ACTR1A: variants seen among roughly 807,000 people sequenced by gnomAD.
ACTR1A encodes alpha-centractin.
A neutral mutation model predicts 50.7 loss-of-function variants in ACTR1A; 10 were observed. The observed-to-expected ratio is 0.20, with a 90% CI of 0.12 to 0.33. The LOEUF is 0.33. ACTR1A is among the 10% of genes least tolerant of loss of function. The probability of loss-of-function intolerance (pLI) is 1.00; values close to 1 mark genes in which losing one functional copy is unlikely to be tolerated. For missense variants in ACTR1A, 253 were observed against 491.7 expected, an observed-to-expected ratio of 0.51 and a Z score of 4.59; for synonymous variants, 177 against 184.2, an observed-to-expected ratio of 0.96 and a Z score of 0.32.
At chr10:102,498,091 A>C (rs1352772940) in intron 1 of ACTR1A, among the ~76,000 whole-genome samples, 3 of 59,290 alleles carry the variant, frequency 5.1e-5, no homozygotes, top group Admixed American at 1.8e-4. Flanking sequence ...ACCTTGTCTC[A>C]AAAAAAAAAA....
chr10:102,487,831 C>T (rs2062176123), intron 4 of ACTR1A, among the ~76,000 whole-genome samples: 1 of 151,982 alleles, frequency 6.6e-6, no homozygotes, highest in South Asian at 2.1e-4. Flanking sequence ...CAGGGTTTCA[C>T]CGTGTTAGCC....
chr10:102,490,424 A>G, intron 2 of ACTR1A, 125 bp downstream of exon 2: 2 of 618,844 alleles, frequency 3.2e-6, no homozygotes, highest in Non-Finnish European at 2.7e-6. Flanking sequence ...TGTGCCTCTC[A>G]AATTGTACCA....
chr10:102,489,233 G>T, intron 2 of ACTR1A, 95 bp from the exon 3 acceptor site: 1 of 815,918 alleles, frequency 1.2e-6, no homozygotes, highest in Non-Finnish European at 1.8e-6. Flanking sequence ...ATTCTACTGA[G>T]ATTATCTTCA....
At chr10:102,493,970 A>C (rs1380348883) in intron 1 of ACTR1A, among the ~76,000 whole-genome samples, 1 of 152,236 alleles carries the variant, frequency 6.6e-6, no homozygotes, top group African/African-American at 2.4e-5. Flanking sequence ...GCCCCCAAGC[A>C]GGCCTGCCAT....
At position 102,493,001 on chromosome 10, in the gene ACTR1A, C is replaced by CAAAAAAAAAAAAAAAAAAAAA. The variant is rs398014648; in HGVS notation, c.49-2409_49-2389dup. Among the ~76,000 whole-genome samples, 217 of 48,918 alleles carry CAAAAAAAAAAAAAAAAAAAAA rather than the reference C, an allele frequency of 4.4e-3. 28 individuals are homozygous for CAAAAAAAAAAAAAAAAAAAAA. Among genetic ancestry groups the CAAAAAAAAAAAAAAAAAAAAA allele is most frequent in the Admixed American group, 5.3e-3 (15 of 2,844 alleles). 32.1% of individuals were successfully genotyped at this position (48,918 alleles called of 152,430 possible). ...AGGGAGACAGAGTGAGACTCCACCT[C>CAAAAAAAAAAAAAAAAAAAAA]AAAAAAAAAAAAAAAAAAAAAAAGA... On this transcript the variant is annotated intron_variant, in intron 1 of 10. Transcript: ENST00000369905.
chr10:102,498,289 G>A (rs1051893458), intron 1 of ACTR1A, among the ~76,000 whole-genome samples: 12 of 151,024 alleles, frequency 7.9e-5, no homozygotes, highest in East Asian at 1.9e-4. Flanking sequence ...ATACCACACC[G>A]AATTTTTCTG....
intron 1 of ACTR1A, among the ~76,000 whole-genome samples, chr10:102,494,889 T>C (rs1001406328): frequency 6.6e-6 from 1 of 152,168 alleles, no homozygotes; most frequent in Non-Finnish European, 1.5e-5. Context: ...CGGCTCACTG[T>C]AACCTCCGCC....
At chr10:102,481,381 G>A (rs1337453759) in intron 9 of ACTR1A, among the ~76,000 whole-genome samples, 1 of 142,444 alleles carries the variant, frequency 7.0e-6, no homozygotes, top group Non-Finnish European at 1.5e-5. Flanking sequence ...GGGACTATTG[G>A]GGGGGGCAGG....
intron 10 of ACTR1A, 34 bp from the exon 11 acceptor site, chr10:102,480,999 A>G: frequency 3.8e-6 from 6 of 1,592,078 alleles, no homozygotes; most frequent in Non-Finnish European, 5.2e-6. Context: ...ACTGTGTGAG[A>G]GAGAAGTGGC....
In ACTR1A at chr10:102,493,978, C is replaced by T. The variant is rs4917970; in HGVS notation, c.49-3365G>A. Among the ~76,000 whole-genome samples the T allele has an allele frequency of 0.012, 1,811 of 152,326 alleles. 102 individuals carry two copies. In the East Asian group the frequency reaches 0.18, roughly 15 times the overall value. The stretch of plus-strand genomic sequence containing the variant: ...CCTTGCAGCCCCCAAGCAGGCCTGC[C>T]ATGCCAGTCATAGGGTGAAGAATCA... On this transcript the variant is annotated intron_variant, in intron 1 of 10. Transcript: ENST00000369905.
At position 102,488,788 on chromosome 10, in the gene ACTR1A, C is replaced by G. The variant is rs2062180101; in HGVS notation, c.189+275G>C. ...ACAGTAAATTTGATCACTGACAAGGCAGTGACAGGATGCAGAAGACAACAG... is the reference window on the plus strand; with the variant it reads ...ACAGTAAATTTGATCACTGACAAGGGAGTGACAGGATGCAGAAGACAACAG... On this transcript the variant is annotated intron_variant, in intron 3 of 10. Transcript: ENST00000369905. This position sits in a 1 kb window ranked among gnomAD's most constrained non-coding sequence, Gnocchi z 4.4. Among the ~76,000 whole-genome samples the G allele has an allele frequency of 6.6e-6, 1 of 152,202 alleles. No homozygotes were observed. The highest frequency in any genetic ancestry group is 1.9e-4 in the East Asian group (1 of 5,204).
chr10:102,481,045 C>A (rs1259990518), intron 10 of ACTR1A, 80 bp from the exon 11 acceptor site: 1 of 1,585,248 alleles, frequency 6.3e-7, no homozygotes, highest in African/African-American at 1.3e-5. Flanking sequence ...GGGGCCAAAC[C>A]AAATCAGGCT....
chr10:102,484,565 T>G (rs2296583), intron 5 of ACTR1A, among the ~76,000 whole-genome samples, 189 bp from the exon 6 acceptor site: 53,179 of 151,630 alleles, frequency 0.35, 9,428 homozygotes, highest in African/African-American at 0.39. Flanking sequence ...TGAACGGAAG[T>G]TGCTGATCTT....
In ACTR1A at chr10:102,479,726, T is replaced by C; in HGVS notation, c.*1137A>G. On this transcript the variant is annotated 3_prime_UTR_variant, in exon 11 of 11. Transcript: ENST00000369905. The surrounding 1 kb of genome is among the most constrained non-coding windows in gnomAD (Gnocchi z 4.0). ...GTCAGCTACAGTGGCAAAAGGCAAC[T>C]TGGTAAATTGCAGCTTTCTCCAGTC... 7.9e-7 allele frequency: 1 copy of C among 1,265,260 alleles called. No homozygotes were observed. Among genetic ancestry groups the C allele is most frequent in the Non-Finnish European group, 1.0e-6 (1 of 968,284 alleles). 78.4% of individuals were successfully genotyped at this position (1,265,260 alleles called of 1,614,324 possible). A position where few individuals can be genotyped will look rare whatever the true frequency, so the allele number is the denominator to read the frequency against.
Position 102,480,012 on chromosome 10 carries a change from G to A in ACTR1A, c.*851C>T, listed in dbSNP as rs2062130329. On this transcript the variant is annotated 3_prime_UTR_variant, in exon 11 of 11. Transcript: ENST00000369905. ...GCCCTGGAGGCTAAGCTTAGGTGCT[G>A]TAAACATTAGTGTAGCAAGGCAGGA... The A allele has an allele frequency of 4.9e-6, 1 of 203,056 alleles. No homozygotes were observed. Among genetic ancestry groups the A allele is most frequent in the Non-Finnish European group, 1.0e-5 (1 of 95,904 alleles). 12.6% of individuals were successfully genotyped at this position (203,056 alleles called of 1,614,324 possible). A position where few individuals can be genotyped will look rare whatever the true frequency, so the allele number is the denominator to read the frequency against.
In ACTR1A at chr10:102,480,651, C is replaced by A; in HGVS notation, c.*212G>T. The A allele has an allele frequency of 1.7e-6, 1 of 582,896 alleles. No individual in the cohort carries two copies. 36.1% of individuals were successfully genotyped at this position (582,896 alleles called of 1,614,324 possible). A position where few individuals can be genotyped will look rare whatever the true frequency, so the allele number is the denominator to read the frequency against. On this transcript the variant is annotated 3_prime_UTR_variant, in exon 11 of 11. Transcript: ENST00000369905. Reference sequence around the variant, plus strand: ...TCCCTGTCAGGAGCCAGTTAGTGGTCAACCCCAGGCCTCAGGCCATCACCA... The same window carrying A: ...TCCCTGTCAGGAGCCAGTTAGTGGTAAACCCCAGGCCTCAGGCCATCACCA...
intron 10 of ACTR1A, 46 bp downstream of exon 10, chr10:102,481,086 T>C: frequency 1.3e-6 from 2 of 1,598,986 alleles, no homozygotes; most frequent in Non-Finnish European, 1.7e-6. Flanking sequence ...GGGTTATCAG[T>C]GCCATCACTT....
intron 1 of ACTR1A, among the ~76,000 whole-genome samples, chr10:102,496,210 A>G (rs992126141): frequency 6.6e-6 from 1 of 152,198 alleles, no homozygotes. Context: ...AAAAATCAGA[A>G]TATCTGGCAA....
Position 102,490,607 on chromosome 10 carries a change from C to A in ACTR1A, c.55G>T (p.Gly19Cys). 1 of 1,612,442 alleles carries A rather than the reference C, an allele frequency of 6.2e-7. No homozygotes were observed. The highest frequency in any genetic ancestry group is 8.5e-7 in the Non-Finnish European group (1 of 1,178,720). Residue 19 changes from glycine (G) to cysteine (C), a missense_variant, in exon 2 of 11, where the codon GGT (glycine) becomes TGT (cysteine). Around this residue, in one of 4 missense-constraint regions of ACTR1A, gnomAD observed 96 missense variants for 238.7 expected, o/e 0.40. Coordinates refer to ENST00000369905, the MANE Select transcript of ACTR1A (RefSeq NM_005736.4). ...CCAGCAAAACCAGCTTTAATCACACCGGATCCCTGAGGAAAGAGGAGAGAG... is the reference window on the plus strand; with the variant it reads ...CCAGCAAAACCAGCTTTAATCACACAGGATCCCTGAGGAAAGAGGAGAGAG... ...NQPVVIDNGS[G>C]VIKAGFAGDQ...
Sources: allele counts gnomAD v4.1 joint callset (sites outside exome capture counted in the v4.1 genomes callset), GRCh38; gene constraint gnomAD v4.1.1; regional missense constraint gnomAD v4.1.1; non-coding constraint Gnocchi (gnomAD v3.1); transcripts MANE v1.5; gene names NCBI Gene and HGNC (gene_info 2026-07-23, HGNC 2026-07-21).